The following KCNMA1 variants were observed in gnomAD, a reference collection of about 807,000 sequenced individuals.
The protein encoded by KCNMA1 is Calcium-activated potassium channel subunit alpha-1.
KCNMA1 carries 29 observed loss-of-function variants against 140.0 expected under a neutral mutation model. That is an observed-to-expected ratio of 0.21 (90% CI 0.15 to 0.28). The LOEUF is 0.28. KCNMA1 is among the 10% of genes least tolerant of loss of function. KCNMA1 has a pLI of 1.00. For synonymous variants in KCNMA1, 612 were observed against 611.9 expected (o/e 1.00, Z 0.00); for missense variants, 880 against 1,602.2 (o/e 0.55, Z 7.70).
At chr10:77,409,204 G>A (rs887723531) in intron 1 of KCNMA1, among the ~76,000 whole-genome samples, 3 of 152,174 alleles carry the variant, frequency 2.0e-5, no homozygotes, top group African/African-American at 7.2e-5. Context: ...CCATCACCTG[G>A]TGCTCAAGAT....
intron 1 of KCNMA1, among the ~76,000 whole-genome samples, chr10:77,608,624 A>T (rs534617802): frequency 6.6e-6 from 1 of 152,112 alleles, no homozygotes; most frequent in Non-Finnish European, 1.5e-5. Context: ...TTATCTGTTC[A>T]ATCTAGTCAC....
At chr10:77,410,912 C>T (rs561751918) in intron 1 of KCNMA1, among the ~76,000 whole-genome samples, 26 of 152,372 alleles carry the variant, frequency 1.7e-4, no homozygotes, top group African/African-American at 6.0e-4. Context: ...CTGTCTTCTC[C>T]GGAGTGTGTC....
chr10:77,474,050 C>T (rs894292996), intron 1 of KCNMA1, among the ~76,000 whole-genome samples: 1 of 152,206 alleles, frequency 6.6e-6, no homozygotes, highest in African/African-American at 2.4e-5. Context: ...GCTTCCCTCT[C>T]TCTAATGTCC....
At chr10:77,265,154 T>G (rs1283005557) in intron 2 of KCNMA1, among the ~76,000 whole-genome samples, 1 of 152,028 alleles carries the variant, frequency 6.6e-6, no homozygotes, top group African/African-American at 2.4e-5. Flanking sequence ...CAGGTTCAAG[T>G]GATTCTCCTG....
At chr10:77,637,100 C>T (rs1603639310) in intron 1 of KCNMA1, 165 bp downstream of exon 1, 5 of 1,303,288 alleles carry the variant, frequency 3.8e-6, no homozygotes, top group South Asian at 3.1e-5. Context: ...CCCGCTGCCC[C>T]GATCCGAGAG....
chr10:77,002,162 A>G (rs2086683616), intron 18 of KCNMA1, among the ~76,000 whole-genome samples: 1 of 152,202 alleles, frequency 6.6e-6, no homozygotes, highest in African/African-American at 2.4e-5. Context: ...CCTTTGCTGA[A>G]CTTCCCGAGA....
At chr10:77,406,419 C>T (rs2096474475) in intron 1 of KCNMA1, among the ~76,000 whole-genome samples, 2 of 152,308 alleles carry the variant, frequency 1.3e-5, no homozygotes, top group African/African-American at 4.8e-5. Context: ...TCCCAGCACC[C>T]CTTGCTTCTT....
At chr10:76,880,320 A>G (rs888948744), downstream of KCNMA1, among the ~76,000 whole-genome samples, 8 of 152,160 alleles carry the variant, frequency 5.3e-5, no homozygotes, top group African/African-American at 1.7e-4. Context: ...ATTAAAAAAA[A>G]AAATCTAAGC....
intron 4 of KCNMA1, among the ~76,000 whole-genome samples, chr10:77,184,091 A>ACACACACACAC (rs1565063210): frequency 2.4e-5 from 3 of 124,662 alleles, no homozygotes; most frequent in South Asian, 2.6e-4. Flanking sequence ...CACACACACA[A>ACACACACACAC]AATTCCATCC....
chr10:76,985,612 T>G (rs778524914), intron 19 of KCNMA1, among the ~76,000 whole-genome samples: 1 of 152,188 alleles, frequency 6.6e-6, no homozygotes, highest in Non-Finnish European at 1.5e-5. Flanking sequence ...ACTGATACAG[T>G]GAGCAGAGAA....
At chr10:76,990,514 G>A (rs1177249327) in intron 19 of KCNMA1, among the ~76,000 whole-genome samples, 1 of 152,192 alleles carries the variant, frequency 6.6e-6, no homozygotes, top group Non-Finnish European at 1.5e-5. Flanking sequence ...AAGGAGCAGT[G>A]TTTCCAGCAA....
chr10:77,302,939 G>T (rs659111), intron 2 of KCNMA1, among the ~76,000 whole-genome samples: 41 of 151,866 alleles, frequency 2.7e-4, no homozygotes, highest in Non-Finnish European at 4.7e-4. Flanking sequence ...TGGTTTGCAG[G>T]GGGGGGTTTC....
chr10:77,141,216 C>A (rs2098161450), intron 5 of KCNMA1, among the ~76,000 whole-genome samples: 1 of 152,220 alleles, frequency 6.6e-6, no homozygotes, highest in Non-Finnish European at 1.5e-5. Flanking sequence ...CCTTGGCCCA[C>A]CCCCTGCTTC....
chr10:77,349,330 G>A (rs1199661334), intron 2 of KCNMA1, among the ~76,000 whole-genome samples: 1 of 152,138 alleles, frequency 6.6e-6, no homozygotes, highest in Non-Finnish European at 1.5e-5. Flanking sequence ...CAAATCTGCT[G>A]GTGTCTTGAC....
intron 1 of KCNMA1, among the ~76,000 whole-genome samples, chr10:77,523,208 C>CT (rs1555416246): frequency 1.3e-5 from 2 of 149,726 alleles, no homozygotes; most frequent in Non-Finnish European, 3.0e-5. Context: ...GACGTGCCCC[C>CT]CCCCCTTGCA....
chr10:77,587,196 C>T (rs1249083180), intron 1 of KCNMA1: 1 of 152,092 alleles, frequency 6.6e-6, no homozygotes, highest in East Asian at 1.9e-4. Flanking sequence ...CTTCCTGCCA[C>T]ACAGCCTTCC....
chr10:77,031,123 C>G (rs570364837), intron 15 of KCNMA1, among the ~76,000 whole-genome samples: 1 of 152,304 alleles, frequency 6.6e-6, no homozygotes, highest in East Asian at 1.9e-4. Context: ...GAGTCTTTGA[C>G]GCAATGTGCT....
chr10:77,350,573 G>A (rs1478711742), intron 2 of KCNMA1: 1 of 152,158 alleles, frequency 6.6e-6, no homozygotes, highest in Non-Finnish European at 1.5e-5. Flanking sequence ...ATTCTAATGT[G>A]GCCAAAGAAA....
intron 3 of KCNMA1, among the ~76,000 whole-genome samples, chr10:77,208,176 T>C (rs192109942): frequency 1.3e-3 from 195 of 152,354 alleles, no homozygotes; most frequent in Admixed American, 2.2e-3. Context: ...TTTTTGTAGA[T>C]GAGAATGAAT....
Sources: gnomAD v4.1 joint callset for allele counts (sites outside exome capture counted in the v4.1 genomes callset) on GRCh38, gnomAD v4.1.1 for gene constraint, MANE v1.5 for transcripts, NCBI Gene and HGNC (gene_info 2026-07-23, HGNC 2026-07-21) for gene names.